Variants in GRIP2 observed in about 807,000 individuals in gnomAD.
GRIP2 encodes the protein glutamate receptor interacting protein 2, also known as glutamate receptor-interacting protein 2.
A neutral mutation model predicts 108.3 loss-of-function variants in GRIP2; 58 were observed. That is an observed-to-expected ratio of 0.54 (90% CI 0.43 to 0.67). The LOEUF (loss-of-function observed/expected upper bound fraction) is 0.67, where lower values mean the gene tolerates loss of function less well. Ranked by LOEUF, GRIP2 falls within the 30% of genes least tolerant of loss-of-function variation. The probability of loss-of-function intolerance (pLI) is 0.00; values close to 1 mark genes in which losing one functional copy is unlikely to be tolerated. For missense variants in GRIP2, 1,278 were observed against 1,430.6 expected (o/e 0.89, Z 1.72); for synonymous variants, 586 against 598.2 (o/e 0.98, Z 0.30).
intron 1 of GRIP2, among the ~76,000 whole-genome samples, chr3:14,529,164 A>C (rs1007197812): frequency 3.3e-5 from 5 of 151,874 alleles, no homozygotes; most frequent in African/African-American, 1.2e-4. Context: ...CTGTAGTCCC[A>C]GCTACCTGGG....
Position 14,489,213 on chromosome 3 carries a change from A to G in GRIP2, c.*4452T>C, listed in dbSNP as rs9036. The G allele has an allele frequency of 0.17, 25,877 of 152,428 alleles. 2,495 individuals are homozygous for G. Among genetic ancestry groups the G allele is most frequent in the Middle Eastern group, 0.28 (81 of 292 alleles). The allele number at this position is 152,428 out of a possible 1,614,324, so 9.4% of individuals were successfully genotyped here. A position where few individuals can be genotyped will look rare whatever the true frequency, so the allele number is the denominator to read the frequency against. On this transcript the variant is annotated 3_prime_UTR_variant, in exon 24 of 24. Transcript: ENST00000621039. ...AATGTTTTATGATATGATTCCCTGT[A>G]TTTTGCAGGGGTTTTTTTCTCTTTT...
At chr3:14,523,319 C>T (rs1443554187) in intron 5 of GRIP2, 1 of 574,802 alleles carries the variant, frequency 1.7e-6, no homozygotes, top group Non-Finnish European at 3.1e-6. Context: ...TGTGACCTCA[C>T]CTTATTTCCC....
At chr3:14,520,359 C>T in intron 8 of GRIP2, 31 bp downstream of exon 8, 2 of 1,610,674 alleles carry the variant, frequency 1.2e-6, no homozygotes, top group Non-Finnish European at 1.7e-6. Context: ...GCACACACCT[C>T]CATGGTGGCA....
chr3:14,558,819 A>G (rs1268786100), upstream of GRIP2, among the ~76,000 whole-genome samples: 2 of 152,166 alleles, frequency 1.3e-5, no homozygotes, highest in African/African-American at 4.8e-5. Flanking sequence ...AAAACTGACT[A>G]CGGAGCCCAG....
chr3:14,547,230 C>T (rs924903387), intron 1 of GRIP2, among the ~76,000 whole-genome samples: 1 of 152,098 alleles, frequency 6.6e-6, no homozygotes, highest in Non-Finnish European at 1.5e-5. Context: ...AGATCTACCC[C>T]GTGGTATCAT....
At position 14,509,936 on chromosome 3, in the gene GRIP2, A is replaced by G. The variant is rs9845816; in HGVS notation, c.1962T>C (p.Ser654=). 940,581 of 1,541,238 alleles carry G rather than the reference A, an allele frequency of 0.61. 291,482 individuals are homozygous for G. Among genetic ancestry groups the G allele is most frequent in the South Asian group, 0.83 (66,096 of 79,886 alleles). ...CGTAGCGCTTCAGCTCCACTGTGTAACTGACGGCACCTGTGGTCTCCAGCT... is the reference window on the plus strand; with the variant it reads ...CGTAGCGCTTCAGCTCCACTGTGTAGCTGACGGCACCTGTGGTCTCCAGCT... ...SDELETTGAV[S]YTVELKRYGG... Residue 654 remains serine, a synonymous_variant, in exon 17 of 24, where the codon AGT becomes AGC. Coordinates refer to ENST00000621039, the MANE Select transcript of GRIP2 (RefSeq NM_001080423.4).
At chr3:14,526,787 T>C (rs377434851) in intron 1 of GRIP2, among the ~76,000 whole-genome samples, 8 of 152,320 alleles carry the variant, frequency 5.3e-5, no homozygotes, top group African/African-American at 1.7e-4. Context: ...TTTGAGTTAG[T>C]AGAAAATCTT....
At chr3:14,565,581 C>T in the GRIP2 span, among the ~76,000 whole-genome samples, 4 of 149,730 alleles carry the variant, frequency 2.7e-5, no homozygotes, top group Non-Finnish European at 4.5e-5. Context: ...CCCGAAGGCC[C>T]GGAGAGGTGG....
chr3:14,496,236 G>A (rs1462864363), intron 22 of GRIP2, among the ~76,000 whole-genome samples, 181 bp downstream of exon 22: 8 of 152,250 alleles, frequency 5.3e-5, no homozygotes, highest in Non-Finnish European at 1.0e-4. Flanking sequence ...TGAATCACAG[G>A]TGTGCATGTG....
intron 20 of GRIP2, among the ~76,000 whole-genome samples, chr3:14,504,166 G>T (rs1693851266): frequency 6.6e-6 from 1 of 152,164 alleles, no homozygotes. Context: ...CCCATCACAG[G>T]TTGTATGAGC....
At chr3:14,572,163 G>C in the GRIP2 span, among the ~76,000 whole-genome samples, 1 of 152,144 alleles carries the variant, frequency 6.6e-6, no homozygotes, top group Non-Finnish European at 1.5e-5. Flanking sequence ...AGTATTCACA[G>C]CAGCGTTTTC....
the GRIP2 span, chr3:14,573,523 C>T: frequency 4.3e-5 from 66 of 1,517,724 alleles, no homozygotes; most frequent in South Asian, 1.9e-4. Flanking sequence ...ATGCAGTGCA[C>T]CTGAGAGCAG....
chr3:14,555,747 G>T, intron 1 of GRIP2: 1 of 398,438 alleles, frequency 2.5e-6, no homozygotes, highest in East Asian at 3.6e-5. Flanking sequence ...GAGTGATCTG[G>T]GACAGAGACA....
the GRIP2 span, among the ~76,000 whole-genome samples, chr3:14,561,722 A>G: frequency 7.9e-5 from 12 of 152,232 alleles, no homozygotes; most frequent in African/African-American, 2.9e-4. Flanking sequence ...TAATCTTCTC[A>G]GCCTTTTCTT....
chr3:14,593,402 C>A, the GRIP2 span, among the ~76,000 whole-genome samples: 1 of 152,240 alleles, frequency 6.6e-6, no homozygotes, highest in East Asian at 1.9e-4. Flanking sequence ...GCTCCCGCTT[C>A]CGGCAACGCA....
At chr3:14,560,740 G>T (rs1695304708), upstream of GRIP2, among the ~76,000 whole-genome samples, 1 of 152,192 alleles carries the variant, frequency 6.6e-6, no homozygotes, top group East Asian at 1.9e-4. Flanking sequence ...TATCCCTTTT[G>T]AACTTAAGCC....
upstream of GRIP2, among the ~76,000 whole-genome samples, chr3:14,560,567 T>C (rs551877004): frequency 2.6e-5 from 4 of 152,170 alleles, no homozygotes; most frequent in African/African-American, 9.6e-5. Context: ...TTCTGGGGCT[T>C]TGGATGAAGC....
intron 1 of GRIP2, among the ~76,000 whole-genome samples, chr3:14,548,907 T>C (rs886661930): frequency 6.6e-6 from 1 of 152,162 alleles, no homozygotes. Flanking sequence ...ATGTTCTTCC[T>C]CACTTTCATC....
upstream of GRIP2, among the ~76,000 whole-genome samples, chr3:14,541,161 C>T (rs1301484651): frequency 2.6e-5 from 4 of 152,240 alleles, no homozygotes; most frequent in Admixed American, 2.6e-4. Context: ...TAATGGACAC[C>T]TGAGGCTCCT....
Sources: allele counts gnomAD v4.1 joint callset (sites outside exome capture counted in the v4.1 genomes callset), GRCh38; gene constraint gnomAD v4.1.1; transcripts MANE v1.5; gene names NCBI Gene and HGNC (gene_info 2026-07-23, HGNC 2026-07-21).